Variants in CHIC2 observed in about 807,000 individuals in gnomAD.
The protein encoded by CHIC2 is cysteine-rich hydrophobic domain-containing protein 2.
A neutral mutation model predicts 25.9 loss-of-function variants in CHIC2; 14 were observed. The observed-to-expected ratio is 0.54, with a 90% CI of 0.36 to 0.85. The LOEUF (loss-of-function observed/expected upper bound fraction) is 0.85, where lower values mean the gene tolerates loss of function less well. Among genes scored for constraint, CHIC2 ranks in the 40% least tolerant of loss-of-function variants. CHIC2 has a pLI of 0.01. For synonymous variants in CHIC2, 70 were observed against 72.0 expected (o/e 0.97, Z 0.14); for missense variants, 146 against 202.0 (o/e 0.72, Z 1.68).
chr4:54,051,997 CTT>C (rs775565404), intron 1 of CHIC2, among the ~76,000 whole-genome samples: 7 of 152,192 alleles, frequency 4.6e-5, no homozygotes, highest in Non-Finnish European at 8.8e-5. Flanking sequence ...GAAAACAACT[CTT>C]TTCAGCAAGT....
At chr4:54,064,798 G>A, upstream of CHIC2, 1 of 320,774 alleles carries the variant, frequency 3.1e-6, no homozygotes, top group Non-Finnish European at 4.5e-6. This position sits in a 1 kb window ranked among gnomAD's most constrained non-coding sequence, Gnocchi z 4.2. Flanking sequence ...ACCCGCAGAC[G>A]GCGACCGGGG....
chr4:54,016,400 T>C (rs1193646795), intron 3 of CHIC2, among the ~76,000 whole-genome samples: 1 of 152,156 alleles, frequency 6.6e-6, no homozygotes, highest in African/African-American at 2.4e-5. Context: ...GAATAAAAGA[T>C]AATTACAAAG....
the CHIC2 span, among the ~76,000 whole-genome samples, chr4:54,078,969 C>T: frequency 6.6e-6 from 1 of 151,310 alleles, no homozygotes; most frequent in African/African-American, 2.4e-5. Flanking sequence ...GTAATCCTAG[C>T]AATTTGGGAG....
At chr4:54,072,470 C>A in the CHIC2 span, among the ~76,000 whole-genome samples, 15 of 152,218 alleles carry the variant, frequency 9.9e-5, no homozygotes, top group Non-Finnish European at 2.2e-4. Context: ...CTGGCCCACA[C>A]TGGCCTTCAA....
At position 54,027,557 on chromosome 4, in the gene CHIC2, C is replaced by G. The variant is rs908764502; in HGVS notation, c.331-13438G>C. 2.0e-5 allele frequency among the ~76,000 whole-genome samples: 3 copies of G among 152,006 alleles called. No individual in the cohort carries two copies. In the South Asian group the frequency reaches 6.2e-4, roughly 31 times the overall value. On this transcript the variant is annotated intron_variant, in intron 3 of 5. Coordinates refer to ENST00000263921, the MANE Select transcript of CHIC2 (RefSeq NM_012110.4). ...TATGAGAAATCTTTTATGCAGGACC[C>G]CTTTTGTAAAGGGACTGAAATAAGA...
At chr4:54,021,995 C>T (rs1221614191) in intron 3 of CHIC2, among the ~76,000 whole-genome samples, 1 of 152,176 alleles carries the variant, frequency 6.6e-6, no homozygotes, top group Non-Finnish European at 1.5e-5. Flanking sequence ...ACCCCAGCTA[C>T]ATTGCCAGCA....
At chr4:54,034,133 G>A (rs956312475) in intron 3 of CHIC2, among the ~76,000 whole-genome samples, 5 of 152,036 alleles carry the variant, frequency 3.3e-5, no homozygotes, top group South Asian at 2.1e-4. Flanking sequence ...CGCCAGACGC[G>A]GTGGCTCATG....
chr4:54,082,432 CT>C, the CHIC2 span, among the ~76,000 whole-genome samples: 1 of 152,122 alleles, frequency 6.6e-6, no homozygotes, highest in Non-Finnish European at 1.5e-5. Flanking sequence ...ATAAAGTTGA[CT>C]CAGTCAGAAA....
At chr4:54,063,302 A>G (rs1695042961) in intron 1 of CHIC2, among the ~76,000 whole-genome samples, 1 of 152,250 alleles carries the variant, frequency 6.6e-6, no homozygotes, top group Non-Finnish European at 1.5e-5. Context: ...ATGAGAGAGT[A>G]TCAATGTAAT....
chr4:54,019,853 G>A (rs1039038462), intron 3 of CHIC2, among the ~76,000 whole-genome samples: 1 of 151,426 alleles, frequency 6.6e-6, no homozygotes, highest in African/African-American at 2.4e-5. Flanking sequence ...GTGCAGGAAG[G>A]GTCTCCTTGA....
intron 3 of CHIC2, among the ~76,000 whole-genome samples, chr4:54,047,836 A>G (rs1321866103): frequency 6.6e-6 from 1 of 152,000 alleles, no homozygotes; most frequent in Non-Finnish European, 1.5e-5. Flanking sequence ...ATTTTTTTAA[A>G]TACATTTTTA....
chr4:54,082,617 C>G, the CHIC2 span, among the ~76,000 whole-genome samples: 3,503 of 152,260 alleles, frequency 0.023, 125 homozygotes, highest in African/African-American at 0.08. Context: ...ATTTGTAACT[C>G]TAATCTCATA....
At chr4:54,043,568 A>G (rs1716666495) in intron 3 of CHIC2, among the ~76,000 whole-genome samples, 1 of 152,306 alleles carries the variant, frequency 6.6e-6, no homozygotes, top group African/African-American at 2.4e-5. Context: ...TCATAAGTGA[A>G]GGAGAAATAA....
chr4:54,064,553 C>A lies in CHIC2; in HGVS notation c.-253G>T. The A allele has an allele frequency of 7.6e-7, 1 of 1,320,212 alleles. No homozygotes were observed. Among genetic ancestry groups the A allele is most frequent in the South Asian group, 1.8e-5 (1 of 55,220 alleles). 81.8% of individuals were successfully genotyped at this position (1,320,212 alleles called of 1,614,324 possible). On this transcript the variant is annotated 5_prime_UTR_variant, in exon 1 of 6. Coordinates refer to ENST00000263921, the MANE Select transcript of CHIC2 (RefSeq NM_012110.4). This position sits in a 1 kb window ranked among gnomAD's most constrained non-coding sequence, Gnocchi z 4.2. ...AACATCCGCCCAGAGGCCGACACCT[C>A]CACAAGCACAGACGCCGCTGCCGCC...
At chr4:54,019,825 C>T (rs148924706) in intron 3 of CHIC2, among the ~76,000 whole-genome samples, 13 of 151,964 alleles carry the variant, frequency 8.6e-5, no homozygotes, top group East Asian at 1.9e-4. Context: ...AATAAAAATG[C>T]GCTTGGGTTG....
At chr4:54,087,512 C>T in the CHIC2 span, 2 of 1,132,892 alleles carry the variant, frequency 1.8e-6, no homozygotes, top group African/African-American at 1.6e-5. Flanking sequence ...AGGCACTCAG[C>T]TGCTCTACAA....
At chr4:54,037,623 A>G (rs987454846) in intron 3 of CHIC2, among the ~76,000 whole-genome samples, 2 of 152,182 alleles carry the variant, frequency 1.3e-5, no homozygotes, top group African/African-American at 4.8e-5. Context: ...TATAAATAAA[A>G]GTTTTGAACA....
chr4:54,025,536 T>C (rs769801139), intron 3 of CHIC2, among the ~76,000 whole-genome samples: 3 of 152,204 alleles, frequency 2.0e-5, no homozygotes, highest in Non-Finnish European at 2.9e-5. Context: ...TTCGCACGGA[T>C]GCATGAGACA....
chr4:54,069,572 T>C (rs962248050), upstream of CHIC2, among the ~76,000 whole-genome samples: 1 of 152,212 alleles, frequency 6.6e-6, no homozygotes, highest in Non-Finnish European at 1.5e-5. Context: ...CATGATTGAT[T>C]ACACCGCTGG....
Sources: gnomAD v4.1 joint callset for allele counts (sites outside exome capture counted in the v4.1 genomes callset) on GRCh38, gnomAD v4.1.1 for gene constraint, Gnocchi (gnomAD v3.1) non-coding constraint, MANE v1.5 for transcripts, NCBI Gene and HGNC (gene_info 2026-07-23, HGNC 2026-07-21) for gene names.